Variants in NTM observed in about 807,000 individuals in gnomAD.
NTM encodes IgLON family member 2.
NTM carries 13 observed loss-of-function variants against 42.1 expected under a neutral mutation model. That is an observed-to-expected ratio of 0.31 (90% confidence interval 0.20 to 0.49). The LOEUF is 0.49. Among genes scored for constraint, NTM ranks in the 20% least tolerant of loss-of-function variants. The pLI is 0.99. For synonymous variants in NTM, 187 were observed against 179.2 expected (o/e 1.04, Z -0.35); for missense variants, 373 against 452.8 (o/e 0.82, Z 1.60).
At chr11:131,929,898 G>C (rs757602888) in intron 2 of NTM, among the ~76,000 whole-genome samples, 9 of 152,176 alleles carry the variant, frequency 5.9e-5, no homozygotes, top group Non-Finnish European at 8.8e-5. Flanking sequence ...GAAATGTCCA[G>C]AAAGAATGAT....
chr11:131,915,676 G>T (rs2056200792), intron 2 of NTM, among the ~76,000 whole-genome samples: 1 of 152,152 alleles, frequency 6.6e-6, no homozygotes, highest in African/African-American at 2.4e-5. Flanking sequence ...AGGTTTAATG[G>T]ACTCACAGTT....
chr11:132,023,746 TGGTGGTTTTGTTGTTGG>T (rs1177740363), intron 2 of NTM, among the ~76,000 whole-genome samples: 3 of 151,312 alleles, frequency 2.0e-5, no homozygotes, highest in African/African-American at 7.3e-5. Flanking sequence ...TTGTTGTTGG[TGGTGGTTTTGTTGTTGG>T]TGGTGGTTTT....
chr11:132,179,243 A>G (rs964865123), intron 3 of NTM, among the ~76,000 whole-genome samples: 22 of 152,318 alleles, frequency 1.4e-4, no homozygotes, highest in Middle Eastern at 3.4e-3. Flanking sequence ...GAATGAGTCT[A>G]GATTTAAAGG....
intron 4 of NTM, among the ~76,000 whole-genome samples, chr11:132,269,938 C>T (rs2093398146): frequency 6.6e-6 from 1 of 152,202 alleles, no homozygotes; most frequent in African/African-American, 2.4e-5. Flanking sequence ...TGACTTTTGA[C>T]AAATTGTATA....
At chr11:131,543,414 C>T (rs969213767) in intron 1 of NTM, among the ~76,000 whole-genome samples, 1 of 152,190 alleles carries the variant, frequency 6.6e-6, no homozygotes, top group Non-Finnish European at 1.5e-5. Flanking sequence ...ATATCCCTAA[C>T]CTCTTTCCCA....
chr11:131,996,644 C>T (rs774186272), intron 2 of NTM, among the ~76,000 whole-genome samples: 20 of 151,900 alleles, frequency 1.3e-4, no homozygotes, highest in African/African-American at 2.2e-4. Flanking sequence ...TGCCCAGTGA[C>T]ACATAGTGGT....
chr11:131,465,870 G>T (rs1951833499), intron 1 of NTM, among the ~76,000 whole-genome samples: 1 of 152,238 alleles, frequency 6.6e-6, no homozygotes, highest in Non-Finnish European at 1.5e-5. Context: ...CTGGAGCCGT[G>T]AGACCCCTCT....
At chr11:131,581,150 A>G (rs1434504710) in intron 1 of NTM, among the ~76,000 whole-genome samples, 1 of 152,232 alleles carries the variant, frequency 6.6e-6, no homozygotes, top group Non-Finnish European at 1.5e-5. Flanking sequence ...TTCTCCTTAC[A>G]ACTCAGAGAG....
chr11:131,849,953 C>T (rs1233106291), intron 1 of NTM, among the ~76,000 whole-genome samples: 2 of 132,120 alleles, frequency 1.5e-5, no homozygotes, highest in Non-Finnish European at 3.2e-5. Flanking sequence ...TACATGTACC[C>T]TAAAACTTAA....
rs3105608 is a variant in NTM, at chr11:131,733,536, G to A, written c.83-178028G>A. Among the ~76,000 whole-genome samples, 691 of 84,502 alleles carry A rather than the reference G, an allele frequency of 8.2e-3. 8 individuals carry two copies. The highest frequency in any genetic ancestry group is 0.032 in the African/African-American group (647 of 20,468). The allele number at this position is 84,502 out of a possible 152,430, so 55.4% of individuals were successfully genotyped here. On this transcript the variant is annotated intron_variant, in intron 1 of 8. Coordinates refer to ENST00000683400, the MANE Select transcript of NTM (RefSeq NM_001352005.2). ...CTTCCTTCCTTTCTTTCTTTCTTTC[G>A]TTGTTTTTTGATGGAGAGTCTCACT...
intron 2 of NTM, among the ~76,000 whole-genome samples, chr11:132,133,092 T>C (rs975770272): frequency 2.0e-5 from 3 of 152,238 alleles, no homozygotes; most frequent in Non-Finnish European, 4.4e-5. Flanking sequence ...CTTAGGCTTA[T>C]GAAAGAAAGA....
intron 1 of NTM, among the ~76,000 whole-genome samples, chr11:131,780,447 T>C (rs1000234882): frequency 6.6e-6 from 1 of 152,040 alleles, no homozygotes; most frequent in African/African-American, 2.4e-5. Context: ...ATGTGGAGTT[T>C]GAGATGCCTG....
chr11:131,798,665 T>A lies in NTM; in HGVS notation c.83-112899T>A, dbSNP rs138226175. Among the ~76,000 whole-genome samples, 1,107 of 152,352 alleles carry A rather than the reference T, an allele frequency of 7.3e-3. 7 individuals carry two copies. Among genetic ancestry groups the A allele is most frequent in the African/African-American group, 0.025 (1,031 of 41,572 alleles). On this transcript the variant is annotated intron_variant, in intron 1 of 8. Coordinates refer to ENST00000683400, the MANE Select transcript of NTM (RefSeq NM_001352005.2). ...CTATTGATTTGTATCCATAAAACAGTATGTGGCCATTGTCCATTTCTACTA... is the reference window on the plus strand; with the variant it reads ...CTATTGATTTGTATCCATAAAACAGAATGTGGCCATTGTCCATTTCTACTA...
chr11:131,415,348 C>G (rs942683566), intron 1 of NTM, among the ~76,000 whole-genome samples: 1 of 152,160 alleles, frequency 6.6e-6, no homozygotes, highest in African/African-American at 2.4e-5. Flanking sequence ...TTGGAACCCC[C>G]TCTGAGCCCT....
intron 4 of NTM, among the ~76,000 whole-genome samples, chr11:132,301,349 G>A (rs990592717): frequency 1.3e-5 from 2 of 152,100 alleles, no homozygotes; most frequent in African/African-American, 4.8e-5. Context: ...TGACATGTGG[G>A]GATTATGGGA....
intron 1 of NTM, among the ~76,000 whole-genome samples, chr11:131,718,554 C>T (rs1488632240): frequency 6.6e-6 from 1 of 152,190 alleles, no homozygotes; most frequent in Non-Finnish European, 1.5e-5. Context: ...TCCCTGGCCC[C>T]GTGTGAGTGC....
intron 4 of NTM, among the ~76,000 whole-genome samples, chr11:132,297,150 T>C (rs1193927296): frequency 6.6e-6 from 1 of 152,154 alleles, no homozygotes; most frequent in Non-Finnish European, 1.5e-5. Flanking sequence ...CAATTGAAAA[T>C]ACACAGATGG....
chr11:131,825,392 G>A (rs1051367515), intron 1 of NTM, among the ~76,000 whole-genome samples: 1 of 152,060 alleles, frequency 6.6e-6, no homozygotes, highest in Non-Finnish European at 1.5e-5. Flanking sequence ...GTATGGTGGT[G>A]GGGGGTGGGG....
At chr11:131,709,184 A>G (rs1202790608) in intron 1 of NTM, among the ~76,000 whole-genome samples, 7 of 151,988 alleles carry the variant, frequency 4.6e-5, no homozygotes, top group Admixed American at 3.3e-4. Context: ...GGTGGGGAGG[A>G]GGGGAAGAGA....
Sources: gnomAD v4.1 joint callset for allele counts (sites outside exome capture counted in the v4.1 genomes callset) on GRCh38, gnomAD v4.1.1 for gene constraint, MANE v1.5 for transcripts, NCBI Gene and HGNC (gene_info 2026-07-23, HGNC 2026-07-21) for gene names.